STK39: variants seen among roughly 807,000 people sequenced by gnomAD.
The protein encoded by STK39 is serine/threonine kinase 39.
Under a neutral mutation model 77.8 loss-of-function variants are expected in STK39, and 20 were observed. The observed-to-expected ratio is 0.26, with a 90% CI of 0.18 to 0.37. The LOEUF (loss-of-function observed/expected upper bound fraction) is 0.37, where lower values mean the gene tolerates loss of function less well. Ranked by LOEUF, STK39 falls within the 10% of genes least tolerant of loss-of-function variation. The pLI is 1.00. For missense variants in STK39, 479 were observed against 656.5 expected, an observed-to-expected ratio of 0.73 and a Z score of 2.95; for synonymous variants, 246 against 234.1, an observed-to-expected ratio of 1.05 and a Z score of -0.47.
chr2:168,053,558 TCTTTA>T (rs2105370013), intron 14 of STK39, among the ~76,000 whole-genome samples: 1 of 152,280 alleles, frequency 6.6e-6, no homozygotes, highest in African/African-American at 2.4e-5. Context: ...ATACAGAATA[TCTTTA>T]AAGAACTCTA....
At chr2:167,996,757 CTTG>C (rs1683851914) in intron 16 of STK39, among the ~76,000 whole-genome samples, 1 of 151,936 alleles carries the variant, frequency 6.6e-6, no homozygotes, top group African/African-American at 2.4e-5. Flanking sequence ...GGTGGAGATT[CTTG>C]TTATCAAGTA....
chr2:167,994,891 A>T (rs188793641), intron 16 of STK39, among the ~76,000 whole-genome samples: 69 of 152,262 alleles, frequency 4.5e-4, no homozygotes, highest in African/African-American at 1.6e-3. Flanking sequence ...GGTCACAAAA[A>T]TCAACTATAT....
At chr2:168,190,117 G>A (rs16855079) in intron 1 of STK39, among the ~76,000 whole-genome samples, 23,704 of 152,052 alleles carry the variant, frequency 0.16, 1,940 homozygotes, top group East Asian at 0.24. Context: ...GGTCTCCTCC[G>A]GCCTTATTAT....
intron 14 of STK39, among the ~76,000 whole-genome samples, chr2:168,036,993 A>G (rs1232502120): frequency 6.6e-6 from 1 of 152,264 alleles, no homozygotes; most frequent in Non-Finnish European, 1.5e-5. Flanking sequence ...CTATTATAAT[A>G]AACATTTTCA....
At chr2:168,171,494 T>A (rs1574524790) in intron 2 of STK39, among the ~76,000 whole-genome samples, 1 of 50,690 alleles carries the variant, frequency 2.0e-5, no homozygotes, top group Non-Finnish European at 3.0e-5. Context: ...AAAAACTTAA[T>A]TTTTTTTTTT....
At chr2:168,169,104 T>C (rs1574522332) in intron 2 of STK39, among the ~76,000 whole-genome samples, 1 of 152,242 alleles carries the variant, frequency 6.6e-6, no homozygotes, top group East Asian at 1.9e-4. Flanking sequence ...ATCATTCCCC[T>C]CATCCATTTG....
intron 1 of STK39, among the ~76,000 whole-genome samples, chr2:168,228,379 C>T (rs932492907): frequency 9.9e-5 from 15 of 152,188 alleles, no homozygotes; most frequent in Middle Eastern, 3.4e-3. Context: ...ACTCCTACAT[C>T]AAAATTCAAA....
intron 14 of STK39, among the ~76,000 whole-genome samples, chr2:168,043,798 T>G (rs1299466691): frequency 6.6e-6 from 1 of 152,232 alleles, no homozygotes; most frequent in Non-Finnish European, 1.5e-5. Flanking sequence ...GCAGCCTTAT[T>G]ATGTATGCTT....
At chr2:167,957,211 G>C (rs563924890) in intron 17 of STK39, among the ~76,000 whole-genome samples, 42 of 152,196 alleles carry the variant, frequency 2.8e-4, no homozygotes, top group South Asian at 1.0e-3. Context: ...AAAGTCACTA[G>C]CCTAAAGGAT....
chr2:168,114,443 T>C (rs545518214), intron 10 of STK39, among the ~76,000 whole-genome samples: 5 of 152,312 alleles, frequency 3.3e-5, no homozygotes, highest in South Asian at 4.1e-4. Flanking sequence ...AGAATCTCTG[T>C]TATAATCTGC....
At chr2:168,032,728 C>G (rs1684859351) in intron 14 of STK39, among the ~76,000 whole-genome samples, 1 of 152,044 alleles carries the variant, frequency 6.6e-6, no homozygotes, top group South Asian at 2.1e-4. Context: ...AAAAACAAAG[C>G]AAAACAAAAA....
intron 10 of STK39, among the ~76,000 whole-genome samples, chr2:168,100,680 G>A (rs1020915835): frequency 3.3e-5 from 5 of 152,144 alleles, no homozygotes; most frequent in African/African-American, 9.7e-5. Flanking sequence ...ATCTGACAAA[G>A]GGCTAATATC....
chr2:168,242,594 T>TATATATATATAC (rs1558894043), intron 1 of STK39, among the ~76,000 whole-genome samples: 6 of 93,978 alleles, frequency 6.4e-5, no homozygotes, highest in African/African-American at 2.5e-4. Flanking sequence ...TATATATATA[T>TATATATATATAC]ATAAAGAGGC....
chr2:168,127,662 T>A (rs1687580194), intron 10 of STK39, among the ~76,000 whole-genome samples: 1 of 152,218 alleles, frequency 6.6e-6, no homozygotes, highest in Non-Finnish European at 1.5e-5. Context: ...AGGAACCATT[T>A]TTTAAATTTC....
chr2:168,098,377 T>G (rs1204486024), intron 10 of STK39, among the ~76,000 whole-genome samples: 1 of 152,204 alleles, frequency 6.6e-6, no homozygotes, highest in Non-Finnish European at 1.5e-5. Flanking sequence ...GTTTTATACC[T>G]ATTGCACTTT....
chr2:168,144,654 C>G (rs1688085727), intron 5 of STK39, among the ~76,000 whole-genome samples: 1 of 150,690 alleles, frequency 6.6e-6, no homozygotes, highest in South Asian at 2.1e-4. Flanking sequence ...TTTTTTTTTA[C>G]CATGTATGAC....
chr2:168,246,965 G>C (rs1690927678), intron 1 of STK39, among the ~76,000 whole-genome samples: 1 of 147,356 alleles, frequency 6.8e-6, no homozygotes, highest in Admixed American at 6.8e-5. Context: ...TGAGATAAAA[G>C]TTTGCAGCAT....
At chr2:168,247,202 G>A (rs921314247) in intron 1 of STK39, 26 bp downstream of exon 1, 4 of 1,182,592 alleles carry the variant, frequency 3.4e-6, no homozygotes, top group East Asian at 4.1e-5. Context: ...GGCCTGTGCC[G>A]GCCCCGCCGC....
intron 10 of STK39, among the ~76,000 whole-genome samples, chr2:168,104,297 A>G (rs1686912653): frequency 6.6e-6 from 1 of 152,186 alleles, no homozygotes; most frequent in Non-Finnish European, 1.5e-5. Flanking sequence ...GAATAAATCT[A>G]TTTTCCTCTA....
Sources: allele counts gnomAD v4.1 joint callset (sites outside exome capture counted in the v4.1 genomes callset), GRCh38; gene constraint gnomAD v4.1.1; transcripts MANE v1.5; gene names NCBI Gene and HGNC (gene_info 2026-07-23, HGNC 2026-07-21).